The following AFG3L2 variants were observed in gnomAD, a reference collection of about 807,000 sequenced individuals.
AFG3L2 encodes mitochondrial inner membrane m-AAA protease component AFG3L2.
Under a neutral mutation model 94.5 loss-of-function variants are expected in AFG3L2, and 54 were observed. The observed-to-expected ratio is 0.57, with a 90% CI of 0.46 to 0.72. The LOEUF is 0.72. AFG3L2 is among the 30% of genes least tolerant of loss of function. AFG3L2 has a pLI of 0.00. For synonymous variants in AFG3L2, 377 were observed against 365.5 expected (o/e 1.03, Z -0.36); for missense variants, 754 against 994.9 (o/e 0.76, Z 3.26).
chr18:12,346,401 G>C (rs144225921), intron 13 of AFG3L2, among the ~76,000 whole-genome samples: 81 of 152,204 alleles, frequency 5.3e-4, no homozygotes, highest in African/African-American at 1.9e-3. Context: ...TCACATGCAG[G>C]ACAGCTCATT....
At chr18:12,374,995 G>T (rs1299514113) in intron 1 of AFG3L2, among the ~76,000 whole-genome samples, 4 of 150,442 alleles carry the variant, frequency 2.7e-5, no homozygotes, top group Non-Finnish European at 5.9e-5. Flanking sequence ...GGCGAAGGTT[G>T]CAGTGACCCA....
chr18:12,361,625 C>T (rs550371521), intron 6 of AFG3L2, among the ~76,000 whole-genome samples: 4 of 152,176 alleles, frequency 2.6e-5, no homozygotes, highest in East Asian at 1.9e-4. Flanking sequence ...CCAGCCTGGG[C>T]GACAAAGTCA....
In AFG3L2 at chr18:12,377,036, G is replaced by A; in HGVS notation, c.47C>T (p.Pro16Leu). ...LRLWGRGGCW[P>L]RGLQQLLVPG... Reference sequence around the variant, plus strand: ...CACGAGGAGCTGCTGTAGGCCGCGGGGCCAGCAGCCGCCCCGGCCCCACAG... The same window carrying A: ...CACGAGGAGCTGCTGTAGGCCGCGGAGCCAGCAGCCGCCCCGGCCCCACAG... Residue 16 changes from proline (P) to leucine (L), a missense_variant, in exon 1 of 17, where the codon CCC becomes CTC. By Grantham distance (98) the Pro-to-Leu change is moderately conservative. This residue lies in a region of AFG3L2 where 236 missense variants were observed against 214.0 expected (regional missense o/e 1.10). Transcript: ENST00000269143. 5.6e-6 allele frequency: 8 copies of A among 1,440,714 alleles called. No individual in the cohort carries two copies. The highest frequency in any genetic ancestry group is 7.3e-6 in the Non-Finnish European group (8 of 1,099,140). The allele number at this position is 1,440,714 out of a possible 1,614,324, so 89.2% of individuals were successfully genotyped here.
chr18:12,344,997 G>A (rs542870334), intron 13 of AFG3L2, among the ~76,000 whole-genome samples: 24 of 152,344 alleles, frequency 1.6e-4, no homozygotes, highest in Admixed American at 8.5e-4. Flanking sequence ...TACTGGGCAC[G>A]CGAAGATGGC....
intron 3 of AFG3L2, among the ~76,000 whole-genome samples, chr18:12,370,556 C>A (rs1004353910): frequency 1.3e-5 from 2 of 148,618 alleles, no homozygotes; most frequent in African/African-American, 5.0e-5. Context: ...CTGCTGGGCT[C>A]AGGTGATTCT....
chr18:12,374,053 T>C (rs1223382186), intron 1 of AFG3L2, among the ~76,000 whole-genome samples: 1 of 152,168 alleles, frequency 6.6e-6, no homozygotes, highest in Non-Finnish European at 1.5e-5. Flanking sequence ...CTGTATGCGC[T>C]CCATAAATAT....
chr18:12,344,003 G>T, intron 14 of AFG3L2, 129 bp downstream of exon 14: 1 of 796,462 alleles, frequency 1.3e-6, no homozygotes, highest in African/African-American at 1.7e-5. Flanking sequence ...GTTACCAGAA[G>T]TTACCAGAAG....
At chr18:12,343,754 G>T in intron 14 of AFG3L2, 1 of 279,278 alleles carries the variant, frequency 3.6e-6, no homozygotes, top group Non-Finnish European at 6.9e-6. Flanking sequence ...TTAAGTCCTG[G>T]ACTATCTCCT....
chr18:12,358,145 C>T (rs183575226), intron 8 of AFG3L2, among the ~76,000 whole-genome samples: 65 of 152,312 alleles, frequency 4.3e-4, no homozygotes, highest in African/African-American at 1.3e-3. Flanking sequence ...TAATGCTCCA[C>T]GCCTAGCCCT....
At chr18:12,344,347 G>T (rs1598825439) in intron 13 of AFG3L2, 100 bp from the exon 14 acceptor site, 2 of 978,726 alleles carry the variant, frequency 2.0e-6, no homozygotes, top group Non-Finnish European at 3.2e-6. Flanking sequence ...CTAAAATGGG[G>T]TTTGGAGACT....
chr18:12,332,185 G>A (rs1344176172), intron 16 of AFG3L2, among the ~76,000 whole-genome samples: 3 of 146,754 alleles, frequency 2.0e-5, no homozygotes, highest in Non-Finnish European at 4.4e-5. Flanking sequence ...GTACAATGGC[G>A]CGATGTTGGC....
Position 12,358,504 on chromosome 18 carries a change from G to C in AFG3L2, c.1026+166C>G, listed in dbSNP as rs576065678. Among the ~76,000 whole-genome samples the C allele has an allele frequency of 1.8e-3, 275 of 152,298 alleles. 1 individual carries two copies. Among genetic ancestry groups the C allele is most frequent in the Non-Finnish European group, 2.8e-3 (193 of 68,030 alleles). On this transcript the variant is annotated intron_variant, in intron 8 of 16. Coordinates refer to ENST00000269143, the MANE Select transcript of AFG3L2 (RefSeq NM_006796.3). Reference sequence around the variant, plus strand: ...ACACTATACAAGACACATGCACACAGAACTGACCCAAAACGATCCTCGAGT... The same window carrying C: ...ACACTATACAAGACACATGCACACACAACTGACCCAAAACGATCCTCGAGT...
Position 12,360,084 on chromosome 18 carries a change from T to C in AFG3L2, c.628-33A>G, listed in dbSNP as rs374315681. ...AACAAAAAAACAAATATCCTAAGAA[T>C]GTAGTGAAACTAAAAGGTTCAATTC... is the stretch of plus-strand genomic sequence containing the variant. On this transcript the variant is annotated intron_variant, in intron 6 of 16. Coordinates refer to ENST00000269143, the MANE Select transcript of AFG3L2 (RefSeq NM_006796.3). 4.3e-6 allele frequency: 7 copies of C among 1,609,398 alleles called. No homozygotes were observed. The Admixed American group carries it at 8.3e-5, about 19-fold the overall frequency.
intron 5 of AFG3L2, among the ~76,000 whole-genome samples, chr18:12,365,291 C>A (rs896644903): frequency 6.6e-6 from 1 of 152,132 alleles, no homozygotes; most frequent in Non-Finnish European, 1.5e-5. Context: ...TATGGAGAAG[C>A]CACCTCGAGG....
chr18:12,354,132 A>ACCCCCCCCCCCC (rs1555672008), intron 9 of AFG3L2, among the ~76,000 whole-genome samples: 1 of 55,842 alleles, frequency 1.8e-5, no homozygotes, highest in African/African-American at 8.0e-5. Flanking sequence ...GCCCACTCCC[A>ACCCCCCCCCCCC]CCCCCCCCCC....
intron 14 of AFG3L2, chr18:12,342,408 T>C (rs1907981981): frequency 6.6e-6 from 1 of 152,230 alleles, no homozygotes; most frequent in African/African-American, 2.4e-5. Flanking sequence ...TGTTTTCTTA[T>C]TATTGAGTTC....
chr18:12,336,733 T>A (rs1416151972), intron 16 of AFG3L2, among the ~76,000 whole-genome samples: 1 of 152,246 alleles, frequency 6.6e-6, no homozygotes, highest in East Asian at 1.9e-4. Flanking sequence ...AAGTTTTTTT[T>A]AATTCTAATT....
At chr18:12,366,031 C>T (rs1247852901) in intron 5 of AFG3L2, among the ~76,000 whole-genome samples, 1 of 152,094 alleles carries the variant, frequency 6.6e-6, no homozygotes, top group African/African-American at 2.4e-5. Context: ...CGTGCCACCA[C>T]ACCCGGCTAA....
At chr18:12,346,438 C>A (rs959388859) in intron 13 of AFG3L2, among the ~76,000 whole-genome samples, 2 of 152,154 alleles carry the variant, frequency 1.3e-5, no homozygotes, top group East Asian at 3.9e-4. Flanking sequence ...CCTCTGCAAG[C>A]GCCCCACACT....
Sources: allele counts gnomAD v4.1 joint callset (sites outside exome capture counted in the v4.1 genomes callset), GRCh38; gene constraint gnomAD v4.1.1; regional missense constraint gnomAD v4.1.1; transcripts MANE v1.5; gene names NCBI Gene and HGNC (gene_info 2026-07-23, HGNC 2026-07-21).